MPC2: variants seen among roughly 807,000 people sequenced by gnomAD.
MPC2 encodes the protein mitochondrial pyruvate carrier 2, also known as brain protein 44.
MPC2 carries 19 observed loss-of-function variants against 19.2 expected under a neutral mutation model. The observed-to-expected ratio is 0.99, with a 90% CI of 0.69 to 1.45. MPC2 has a LOEUF of 1.45. Ranked by LOEUF, MPC2 falls within the 40% of genes most tolerant of loss-of-function variation. The pLI, the probability that MPC2 is intolerant of heterozygous loss-of-function variation, is 0.00. For synonymous variants in MPC2, 61 were observed against 54.3 expected (o/e 1.12, Z -0.54); for missense variants, 122 against 153.0 (o/e 0.80, Z 1.07).
Position 167,935,883 on chromosome 1 carries a change from G to C in MPC2, c.-42C>G. On this transcript the variant is annotated 5_prime_UTR_variant, in exon 2 of 6. Coordinates refer to ENST00000271373, the MANE Select transcript of MPC2 (RefSeq NM_001143674.4). ...TTGGCAGCCGGGTGGGAGCGTGGCT[G>C]TGTTCTCGTCCCTGGCTGACAACGA... is the stretch of plus-strand genomic sequence containing the variant. 1 of 1,448,388 alleles carries C rather than the reference G, an allele frequency of 6.9e-7. No individual in the cohort carries two copies. The highest frequency in any genetic ancestry group is 9.5e-7 in the Non-Finnish European group (1 of 1,055,340). The allele number at this position is 1,448,388 out of a possible 1,614,324, so 89.7% of individuals were successfully genotyped here.
At chr1:167,926,981 T>C (rs1350906621) in intron 2 of MPC2, among the ~76,000 whole-genome samples, 1 of 152,252 alleles carries the variant, frequency 6.6e-6, no homozygotes, top group Non-Finnish European at 1.5e-5. Context: ...TTCTATCATT[T>C]TCTGTTAAAA....
At chr1:167,924,342 A>C (rs1000958865) in intron 3 of MPC2, 155 bp downstream of exon 3, 1 of 548,338 alleles carries the variant, frequency 1.8e-6, no homozygotes, top group African/African-American at 2.0e-5. Flanking sequence ...TGCTTTATGT[A>C]GAAAACGATA....
intron 2 of MPC2, among the ~76,000 whole-genome samples, chr1:167,928,821 T>C (rs1429260888): frequency 6.6e-6 from 1 of 152,212 alleles, no homozygotes; most frequent in African/African-American, 2.4e-5. Flanking sequence ...TCCATTATGA[T>C]AAATGAAATA....
chr1:167,923,673 G>T (rs1670657806), intron 3 of MPC2, among the ~76,000 whole-genome samples: 1 of 151,498 alleles, frequency 6.6e-6, no homozygotes, highest in Non-Finnish European at 1.5e-5. Context: ...GGTTCAGATA[G>T]TAAGTTTTAT....
chr1:167,925,474 T>TATATATAC (rs1435671188), intron 2 of MPC2, among the ~76,000 whole-genome samples: 22 of 96,816 alleles, frequency 2.3e-4, no homozygotes, highest in South Asian at 2.1e-3. Flanking sequence ...TATATATATA[T>TATATATAC]ACATATACAT....
intron 3 of MPC2, among the ~76,000 whole-genome samples, chr1:167,922,846 C>T (rs976450095): frequency 1.3e-5 from 2 of 152,056 alleles, no homozygotes; most frequent in African/African-American, 4.8e-5. Flanking sequence ...CATCACTCAA[C>T]AACAACAAAA....
intron 1 of MPC2, 188 bp from the exon 2 acceptor site, chr1:167,936,086 G>A (rs1557860200): frequency 1.8e-6 from 1 of 568,616 alleles, no homozygotes. Context: ...GCCCCCGGCA[G>A]GAGAGAGGGA....
chr1:167,935,822 C>G lies in MPC2; in HGVS notation c.20G>C (p.Arg7Pro), dbSNP rs1235972027. The G allele has an allele frequency of 1.9e-6, 3 of 1,552,566 alleles. No individual in the cohort carries two copies. The South Asian group carries it at 3.6e-5, about 18-fold the overall frequency. MSAAGA[R>P]GLRATYHRLL... ...CCGGTGGTAGGTGGCCCGCAGGCCT[C>G]GGGCACCGGCGGCCGACATCGCCGC... Residue 7 changes from arginine to proline, a missense_variant, in exon 2 of 6, where the codon CGA (arginine) becomes CCA (proline). Arg to Pro is a moderately radical substitution (Grantham distance 103, BLOSUM62 -2). Coordinates refer to ENST00000271373, the MANE Select transcript of MPC2 (RefSeq NM_001143674.4).
In MPC2 at chr1:167,919,983, A is replaced by G; in HGVS notation, c.343T>C (p.Trp115Arg). The G allele has an allele frequency of 6.2e-7, 1 of 1,610,162 alleles. No homozygotes were observed. Among genetic ancestry groups the G allele is most frequent in the Non-Finnish European group, 8.5e-7 (1 of 1,178,022 alleles). ...AAATATCTCTGGTAGGCTTACCTCCAAATACGAAAAAGCTGAGAGGCTCCT... is the reference window on the plus strand; with the variant it reads ...AAATATCTCTGGTAGGCTTACCTCCGAATACGAAAAAGCTGAGAGGCTCCT... ...AAGASQLFRI[W>R]RYNQELKAKA... Residue 115 changes from tryptophan to arginine, a missense_variant, in exon 5 of 6, where the codon TGG becomes CGG. Trp to Arg is a moderately radical substitution (Grantham distance 101). Coordinates refer to ENST00000271373, the MANE Select transcript of MPC2 (RefSeq NM_001143674.4).
chr1:167,929,823 G>A (rs1296905448), intron 2 of MPC2, among the ~76,000 whole-genome samples: 1 of 152,076 alleles, frequency 6.6e-6, no homozygotes, highest in Non-Finnish European at 1.5e-5. Context: ...ATCCCTCTGT[G>A]AAAAATAAAG....
chr1:167,918,271 G>A lies in MPC2; in HGVS notation c.*52C>T. ...TTATCAATAACCAAATAATAAACTAGGTCCCAATGGTTTTGTCCACATCTA... is the reference window on the plus strand; with the variant it reads ...TTATCAATAACCAAATAATAAACTAAGTCCCAATGGTTTTGTCCACATCTA... On this transcript the variant is annotated 3_prime_UTR_variant, in exon 6 of 6. Coordinates refer to ENST00000271373, the MANE Select transcript of MPC2 (RefSeq NM_001143674.4). The A allele has an allele frequency of 7.1e-7, 1 of 1,403,280 alleles. No individual in the cohort carries two copies. The highest frequency in any genetic ancestry group is 9.9e-7 in the Non-Finnish European group (1 of 1,014,248). 86.9% of individuals were successfully genotyped at this position (1,403,280 alleles called of 1,614,324 possible). A position where few individuals can be genotyped will look rare whatever the true frequency, so the allele number is the denominator to read the frequency against.
At chr1:167,920,879 T>C (rs949159550) in intron 3 of MPC2, among the ~76,000 whole-genome samples, 1 of 152,212 alleles carries the variant, frequency 6.6e-6, no homozygotes, top group Non-Finnish European at 1.5e-5. Flanking sequence ...CAGTAGTACA[T>C]ATATAGATAA....
intron 2 of MPC2, among the ~76,000 whole-genome samples, chr1:167,929,273 C>T (rs552318692): frequency 2.6e-5 from 4 of 152,082 alleles, no homozygotes; most frequent in South Asian, 2.1e-4. Context: ...GCAGGGGAAT[C>T]GCTAGAACCC....
intron 1 of MPC2, chr1:167,936,140 T>C (rs1038322076): frequency 8.0e-6 from 3 of 376,928 alleles, no homozygotes; most frequent in East Asian, 1.2e-4. Flanking sequence ...TCACCAAGTC[T>C]GCGCTGCGCC....
At chr1:167,929,875 C>T (rs776672905) in intron 2 of MPC2, among the ~76,000 whole-genome samples, 1 of 152,142 alleles carries the variant, frequency 6.6e-6, no homozygotes, top group Non-Finnish European at 1.5e-5. Context: ...CACTACATTT[C>T]CCTACCTCTT....
chr1:167,930,359 T>C (rs1202755746), intron 2 of MPC2, among the ~76,000 whole-genome samples: 1 of 152,222 alleles, frequency 6.6e-6, no homozygotes, highest in African/African-American at 2.4e-5. Flanking sequence ...CTTTTAGATT[T>C]AGAAAGACTG....
chr1:167,934,933 G>GT lies in MPC2; in HGVS notation c.109+799dup, dbSNP rs538033402. ...GATTGGAATCTTTCAGTTTCTTACA[G>GT]TTTTTTTTTTCAACCACAAGAACAC... On this transcript the variant is annotated intron_variant, in intron 2 of 5. Coordinates refer to ENST00000271373, the MANE Select transcript of MPC2 (RefSeq NM_001143674.4). Among the ~76,000 whole-genome samples, 120 of 149,094 alleles carry GT rather than the reference G, an allele frequency of 8.0e-4. No individual in the cohort carries two copies. The East Asian group carries it at 0.011, about 13-fold the overall frequency.
rs544146265 is a variant in MPC2, at chr1:167,918,074, C to A, written c.*249G>T. 6.6e-5 allele frequency: 24 copies of A among 361,208 alleles called. No homozygotes were observed. The highest frequency in any genetic ancestry group is 5.1e-4 in the African/African-American group (24 of 47,422). 22.4% of individuals were successfully genotyped at this position (361,208 alleles called of 1,614,324 possible). A position where few individuals can be genotyped will look rare whatever the true frequency, so the allele number is the denominator to read the frequency against. ...AACAGAAGGAGGCAGGGGGTATATA[C>A]GAGCAAGTATGGTTTATTACGGACA... On this transcript the variant is annotated 3_prime_UTR_variant, in exon 6 of 6. Transcript: ENST00000271373.
In MPC2 at chr1:167,924,511, G is replaced by C; in HGVS notation, c.136C>G (p.Pro46Ala). 6.4e-7 allele frequency: 1 copy of C among 1,574,494 alleles called. No individual in the cohort carries two copies. Among genetic ancestry groups the C allele is most frequent in the South Asian group, 1.2e-5 (1 of 84,428 alleles). ...TCAAGACTTACCCATTTCATAATTG[G>C]AGCCCAGAAGAAAACTGTTCTGGGA... ...AGPRTVFFWA[P>A]IMKWGLVCAG... The change falls in exon 3 of 6, where the codon CCA becomes GCA. Residue 46 changes from proline to alanine, a missense_variant. Pro to Ala is a conservative substitution (Grantham distance 27, BLOSUM62 -1). Transcript: ENST00000271373.
Sources: gnomAD v4.1 joint callset for allele counts (sites outside exome capture counted in the v4.1 genomes callset) on GRCh38, gnomAD v4.1.1 for gene constraint, MANE v1.5 for transcripts, NCBI Gene and HGNC (gene_info 2026-07-23, HGNC 2026-07-21) for gene names.